Variants in CNTNAP3 observed in about 807,000 individuals in gnomAD.
CNTNAP3 encodes contactin-associated protein-like 3.
CNTNAP3 carries 36 observed loss-of-function variants against 92.1 expected under a neutral mutation model. The ratio of observed to expected loss-of-function variants is 0.39; its 90% CI spans 0.30 to 0.52. The LOEUF is 0.52. Ranked by LOEUF, CNTNAP3 falls within the 20% of genes least tolerant of loss-of-function variation. The pLI is 0.76. For synonymous variants in CNTNAP3, 232 were observed against 422.3 expected (o/e 0.55, Z 5.53); for missense variants, 534 against 1,069.6 (o/e 0.50, Z 6.98).
chr9:39,132,712 C>A (rs1489839378), intron 13 of CNTNAP3, among the ~76,000 whole-genome samples: 1 of 152,144 alleles, frequency 6.6e-6, no homozygotes, highest in Admixed American at 6.5e-5. Context: ...AGTCACTAGT[C>A]CTGCATATGA....
Position 39,159,611 on chromosome 9 carries a change from C to T in CNTNAP3, c.1477+6322G>A, listed in dbSNP as rs577390226. On this transcript the variant is annotated intron_variant, in intron 9 of 23. Transcript: ENST00000297668. Reference sequence around the variant, plus strand: ...CCTCCCAGAGTGCTGGGATTACAGGCGTGGGCCACCACGCCTGGAGATAGA... The same window carrying T: ...CCTCCCAGAGTGCTGGGATTACAGGTGTGGGCCACCACGCCTGGAGATAGA... The T allele has an allele frequency of 7.9e-5, 11 of 139,426 alleles. 1 individual carries two copies. Among genetic ancestry groups the T allele is most frequent in the African/African-American group, 1.7e-4 (6 of 35,440 alleles). The allele number at this position is 139,426 out of a possible 1,614,324, so 8.6% of individuals were successfully genotyped here. A position where few individuals can be genotyped will look rare whatever the true frequency, so the allele number is the denominator to read the frequency against.
rs1398275865 is a variant in CNTNAP3 at position 39,134,187 on chromosome 9, G to C, written c.1877-1052C>G. ...AAAGAAGGAAAAGAAAACCAGCCATGCTACTGAAATATCTCTTTAGTCACA... is the reference window on the plus strand; with the variant it reads ...AAAGAAGGAAAAGAAAACCAGCCATCCTACTGAAATATCTCTTTAGTCACA... On this transcript the variant is annotated intron_variant, in intron 12 of 23. Transcript: ENST00000297668. Among the ~76,000 whole-genome samples, 20 of 152,090 alleles carry C rather than the reference G, an allele frequency of 1.3e-4. 1 individual carries two copies. The highest frequency in any genetic ancestry group is 1.2e-3 in the Admixed American group (19 of 15,268).
Position 39,140,500 on chromosome 9 carries a change from A to G in CNTNAP3, c.1876+19T>C, listed in dbSNP as rs371381272. The G allele has an allele frequency of 3.5e-4, 563 of 1,612,820 alleles. 2 individuals are homozygous for G. The African/African-American group carries it at 6.9e-3, about 20-fold the overall frequency. On this transcript the variant is annotated intron_variant, in intron 12 of 23. Transcript: ENST00000297668. ...CCTTGGTCTATTCTGATATATGCAT[A>G]TAACGATTATCAACATACCTGTCAT...
Position 39,149,867 on chromosome 9 carries a change from G to C in CNTNAP3, c.1588C>G (p.Gln530Glu). The C allele has an allele frequency of 6.2e-7, 1 of 1,604,892 alleles. No homozygotes were observed. The highest frequency in any genetic ancestry group is 8.5e-7 in the Non-Finnish European group (1 of 1,176,456). The change falls in exon 10 of 24, where the codon CAG becomes GAG. Residue 530 changes from glutamine (Q) to glutamate (E), a missense_variant. Transcript: ENST00000297668. ...CTGAAACTCCCCAGCGCCCCCTGCT[G>C]TACTAAGATGGGATCCACCGCTTTG... ...GDKAVDPILV[Q>E]QGALGSFRDL... is the part of the protein sequence containing the mutation.
intron 18 of CNTNAP3, among the ~76,000 whole-genome samples, chr9:39,095,283 T>G (rs1009128364): frequency 2.6e-5 from 4 of 151,736 alleles, no homozygotes; most frequent in African/African-American, 9.7e-5. Context: ...GAGAGAGAGA[T>G]AGCCCTTCTA....
chr9:39,278,555 C>T lies in CNTNAP3; in HGVS notation c.85+9425G>A, dbSNP rs1822976684. Among the ~76,000 whole-genome samples, 2 of 36,314 alleles carry T rather than the reference C, an allele frequency of 5.5e-5. 1 individual carries two copies. Among genetic ancestry groups the T allele is most frequent in the South Asian group, 1.7e-3 (2 of 1,178 alleles). The allele number at this position is 36,314 out of a possible 152,430, so 23.8% of individuals were successfully genotyped here. On this transcript the variant is annotated intron_variant, in intron 1 of 23. Transcript: ENST00000297668. ...CACTACCTGACTTCAAACTATACTA[C>T]AAGGCTACAGTAACCAAAACAGCAT...
At position 39,163,156 on chromosome 9, in the gene CNTNAP3, T is replaced by C. The variant is rs368493569; in HGVS notation, c.1477+2777A>G. Among the ~76,000 whole-genome samples, 29 of 54,672 alleles carry C rather than the reference T, an allele frequency of 5.3e-4. 1 individual carries two copies. The South Asian group carries it at 8.8e-3, about 17-fold the overall frequency. 35.9% of individuals were successfully genotyped at this position (54,672 alleles called of 152,430 possible). A position where few individuals can be genotyped will look rare whatever the true frequency, so the allele number is the denominator to read the frequency against. The stretch of plus-strand genomic sequence containing the variant: ...AAGTAGTGTGGATCAAACTCTGTCA[T>C]CTGTTTCTGTCACACAGATTACAGC... On this transcript the variant is annotated intron_variant, in intron 9 of 23. Transcript: ENST00000297668.
rs963714009 is a variant in CNTNAP3, at chr9:39,144,425, C to G, written c.1650-79G>C. 13 of 1,506,238 alleles carry G rather than the reference C, an allele frequency of 8.6e-6. No individual in the cohort carries two copies. The African/African-American group carries it at 1.7e-4, about 19-fold the overall frequency. The allele number at this position is 1,506,238 out of a possible 1,614,324, so 93.3% of individuals were successfully genotyped here. Reference sequence around the variant, plus strand: ...AGTGTCTTACCAAAAACAGGTTAACCAAAAACAGGTTAATGTGAAAGAGCA... The same window carrying G: ...AGTGTCTTACCAAAAACAGGTTAACGAAAAACAGGTTAATGTGAAAGAGCA... On this transcript the variant is annotated intron_variant, in intron 10 of 23. Coordinates refer to ENST00000297668, the MANE Select transcript of CNTNAP3 (RefSeq NM_033655.5).
chr9:39,066,230 G>A lies in CNTNAP3; in HGVS notation c.*7660C>T, dbSNP rs920590929. ...AGCCAACTTTTAATAGGCATTATACGACTTTACACACAGTCTAAGAACCTT... is the reference window on the plus strand; with the variant it reads ...AGCCAACTTTTAATAGGCATTATACAACTTTACACACAGTCTAAGAACCTT... On this transcript the variant is annotated 3_prime_UTR_variant, in exon 24 of 24. Coordinates refer to ENST00000297668, the MANE Select transcript of CNTNAP3 (RefSeq NM_033655.5). 1.1e-4 allele frequency among the ~76,000 whole-genome samples: 17 copies of A among 152,210 alleles called. No homozygotes were observed. Among genetic ancestry groups the A allele is most frequent in the Admixed American group, 5.9e-4 (9 of 15,280 alleles).
chr9:39,140,156 C>T (rs11787974), intron 12 of CNTNAP3: 4,751 of 163,684 alleles, frequency 0.029, 121 homozygotes, highest in East Asian at 0.11. Context: ...GCACATAGAA[C>T]ATTAACATAT....
intron 14 of CNTNAP3, among the ~76,000 whole-genome samples, chr9:39,110,108 A>G (rs542094273): frequency 1.4e-3 from 215 of 152,292 alleles, no homozygotes; most frequent in African/African-American, 4.9e-3. Flanking sequence ...TCAGGCAACA[A>G]ACACAGGCCG....
rs577050831 is a variant in CNTNAP3, at chr9:39,108,393, G to A, written c.2365+767C>T. On this transcript the variant is annotated intron_variant, in intron 15 of 23. Transcript: ENST00000297668. The stretch of plus-strand genomic sequence containing the variant: ...TGGTATTAGGGGATGGAGACGCCAC[G>A]CCATCTGGCACACTCGGCAAGAATG... Among the ~76,000 whole-genome samples, 616 of 152,248 alleles carry A rather than the reference G, an allele frequency of 4.0e-3. 1 individual carries two copies. Among genetic ancestry groups the A allele is most frequent in the Non-Finnish European group, 6.0e-3 (408 of 68,016 alleles).
chr9:39,084,687 G>T (rs1826028059), intron 21 of CNTNAP3, among the ~76,000 whole-genome samples: 1 of 152,094 alleles, frequency 6.6e-6, no homozygotes, highest in Admixed American at 6.6e-5. Flanking sequence ...CAAATTTAAA[G>T]ATAAAATTGT....
intron 21 of CNTNAP3, among the ~76,000 whole-genome samples, chr9:39,084,019 G>T (rs961178013): frequency 6.6e-6 from 1 of 151,356 alleles, no homozygotes; most frequent in Non-Finnish European, 1.5e-5. Context: ...CTAAGGCATT[G>T]TTAGGGTGCA....
chr9:39,076,460 T>G (rs551331089), intron 23 of CNTNAP3, among the ~76,000 whole-genome samples: 44 of 152,116 alleles, frequency 2.9e-4, no homozygotes, highest in Non-Finnish European at 5.7e-4. Flanking sequence ...AAAACAGTTT[T>G]TGTTCATCAG....
chr9:39,125,241 A>G (rs1403613194), intron 13 of CNTNAP3, among the ~76,000 whole-genome samples: 3 of 152,140 alleles, frequency 2.0e-5, no homozygotes, highest in Non-Finnish European at 2.9e-5. Context: ...CATCATTCTC[A>G]GCAAACTACC....
intron 13 of CNTNAP3, among the ~76,000 whole-genome samples, chr9:39,124,216 G>T (rs1385090014): frequency 6.6e-6 from 1 of 152,136 alleles, no homozygotes; most frequent in African/African-American, 2.4e-5. Flanking sequence ...AGTGTTGTTT[G>T]AAAGTAGATT....
chr9:39,074,817 G>C (rs1426002490), intron 23 of CNTNAP3, among the ~76,000 whole-genome samples: 1 of 152,146 alleles, frequency 6.6e-6, no homozygotes, highest in Admixed American at 6.5e-5. Flanking sequence ...CGCCCAGTCT[G>C]GAGTGCAGTG....
chr9:39,125,421 T>C (rs555593102), intron 13 of CNTNAP3, among the ~76,000 whole-genome samples: 24 of 152,210 alleles, frequency 1.6e-4, no homozygotes, highest in Middle Eastern at 3.4e-3. Flanking sequence ...GATGAGTTAA[T>C]GGGTGCAGCA....
Sources: allele counts gnomAD v4.1 joint callset (sites outside exome capture counted in the v4.1 genomes callset), GRCh38; gene constraint gnomAD v4.1.1; transcripts MANE v1.5; gene names NCBI Gene and HGNC (gene_info 2026-07-23, HGNC 2026-07-21).